Variants in TPCN2 observed in about 807,000 individuals in gnomAD.
TPCN2 encodes two pore segment channel 2.
In TPCN2, 92 loss-of-function variants were observed where a neutral mutation model predicts 111.4. The observed-to-expected ratio is 0.83, with a 90% CI of 0.70 to 0.98. TPCN2 has a LOEUF of 0.98. TPCN2 is among the 50% of genes least tolerant of loss of function. TPCN2 has a pLI of 0.00. For missense variants in TPCN2, 995 were observed against 980.1 expected (o/e 1.02, Z -0.20); for synonymous variants, 405 against 414.5 (o/e 0.98, Z 0.28).
chr11:69,064,531 G>A (rs1019737443), intron 7 of TPCN2, among the ~76,000 whole-genome samples: 3 of 152,172 alleles, frequency 2.0e-5, no homozygotes, highest in Non-Finnish European at 4.4e-5. Context: ...CCAGCAGCTC[G>A]TTGCTGTGTG....
At chr11:69,081,319 C>G (rs1443803985) in intron 17 of TPCN2, 81 bp from the exon 18 acceptor site, 1 of 953,802 alleles carries the variant, frequency 1.0e-6, no homozygotes, top group African/African-American at 1.6e-5. Flanking sequence ...GCGCCTCCGT[C>G]CAGGAACCCG....
chr11:69,065,742 T>C (rs1244208945), intron 7 of TPCN2, among the ~76,000 whole-genome samples: 1 of 152,174 alleles, frequency 6.6e-6, no homozygotes, highest in Non-Finnish European at 1.5e-5. Context: ...CAACCTGGAT[T>C]GATTTCCAAG....
intron 7 of TPCN2, among the ~76,000 whole-genome samples, chr11:69,064,711 G>A (rs1392661019): frequency 6.6e-6 from 1 of 152,220 alleles, no homozygotes; most frequent in Non-Finnish European, 1.5e-5. Flanking sequence ...TGGCCGTGTT[G>A]GGGTTTGGTG....
chr11:69,078,399 G>A (rs7945151), intron 13 of TPCN2, 83 bp from the exon 14 acceptor site: 715,587 of 1,560,078 alleles, frequency 0.46, 171,966 homozygotes, highest in Non-Finnish European at 0.51. Flanking sequence ...TCAAATCCCA[G>A]AATAAGAGGG....
At chr11:69,056,705 T>C (rs1854787526) in intron 4 of TPCN2, among the ~76,000 whole-genome samples, 1 of 151,774 alleles carries the variant, frequency 6.6e-6, no homozygotes, top group Non-Finnish European at 1.5e-5. Flanking sequence ...GCTAATTTTT[T>C]GTATTTTTAG....
Position 69,078,550 on chromosome 11 carries a change from C to CT in TPCN2, c.1302dup (p.Asp435Ter). The stretch of plus-strand genomic sequence containing the variant: ...CCCAGTTCCTCTTCGGCCACTACTA[C>CT]TTTGACTACCTGGGGAACCTCATCG... On this transcript the variant is annotated frameshift_variant, in exon 14 of 25. Transcript: ENST00000294309. LOFTEE classifies it high-confidence loss of function. 3 of 1,614,104 alleles carry CT rather than the reference C, an allele frequency of 1.9e-6. No homozygotes were observed. The highest frequency in any genetic ancestry group is 2.5e-6 in the Non-Finnish European group (3 of 1,180,026).
chr11:69,086,388 A>G (rs1023715508), intron 22 of TPCN2, 135 bp from the exon 23 acceptor site: 32 of 740,830 alleles, frequency 4.3e-5, no homozygotes, highest in Non-Finnish European at 7.2e-5. Context: ...AGATGGAAAT[A>G]GTAACGCGCT....
intron 3 of TPCN2, 111 bp from the exon 4 acceptor site, chr11:69,055,064 A>G (rs1360150024): frequency 1.7e-6 from 2 of 1,191,374 alleles, no homozygotes; most frequent in African/African-American, 3.1e-5. Flanking sequence ...ACGAGTGTCC[A>G]CGCTCAGGCA....
intron 13 of TPCN2, among the ~76,000 whole-genome samples, chr11:69,078,043 G>A (rs1051087520): frequency 1.3e-5 from 2 of 152,276 alleles, no homozygotes; most frequent in Admixed American, 6.5e-5. Flanking sequence ...CAGTGGCAGC[G>A]TCTGCCCGCC....
In TPCN2 at chr11:69,087,991, A is replaced by G. The variant is rs752801171; in HGVS notation, c.*38A>G. 7 of 1,573,112 alleles carry G rather than the reference A, an allele frequency of 4.4e-6. No homozygotes were observed. The Admixed American group carries it at 1.3e-4, about 29-fold the overall frequency. ...CGTCCCAGCAGGGGCGGCAGGAGAG[A>G]GAGGCTGGCCTACACAGGTGCCCGT... is the stretch of plus-strand genomic sequence containing the variant. On this transcript the variant is annotated 3_prime_UTR_variant, in exon 25 of 25. Transcript: ENST00000294309.
intron 19 of TPCN2, among the ~76,000 whole-genome samples, 199 bp from the exon 20 acceptor site, chr11:69,085,011 C>A (rs979834637): frequency 1.3e-5 from 2 of 152,170 alleles, no homozygotes; most frequent in Non-Finnish European, 2.9e-5. Flanking sequence ...GCCTGAGCCC[C>A]ACTGTGTCTG....
At chr11:69,059,285 C>G (rs750007200) in intron 5 of TPCN2, among the ~76,000 whole-genome samples, 6 of 152,158 alleles carry the variant, frequency 3.9e-5, no homozygotes, top group Admixed American at 3.3e-4. Context: ...CCAGCCTGCC[C>G]GCTCACCCTG....
intron 7 of TPCN2, among the ~76,000 whole-genome samples, 191 bp from the exon 8 acceptor site, chr11:69,067,312 G>T (rs1565085995): frequency 6.6e-6 from 1 of 152,254 alleles, no homozygotes; most frequent in Non-Finnish European, 1.5e-5. Context: ...GTCTCCCTGG[G>T]TGCCCACTCT....
intron 13 of TPCN2, among the ~76,000 whole-genome samples, chr11:69,074,076 T>C (rs965148068): frequency 3.3e-5 from 5 of 152,242 alleles, no homozygotes; most frequent in African/African-American, 1.2e-4. Context: ...AGGTTAAAGA[T>C]ACGAATTTCG....
At chr11:69,072,807 C>T (rs1220447573) in intron 12 of TPCN2, 99 bp downstream of exon 12, 1 of 1,540,470 alleles carries the variant, frequency 6.5e-7, no homozygotes, top group Non-Finnish European at 9.0e-7. Flanking sequence ...TTCAGGTCAC[C>T]TGCAGCATTC....
intron 5 of TPCN2, among the ~76,000 whole-genome samples, chr11:69,058,434 G>A (rs1854871607): frequency 1.3e-5 from 2 of 152,132 alleles, no homozygotes; most frequent in Non-Finnish European, 2.9e-5. Context: ...ATAGAGCTGG[G>A]TTCTTGCCCT....
chr11:69,077,558 A>C (rs1855847779), intron 13 of TPCN2, among the ~76,000 whole-genome samples: 1 of 152,262 alleles, frequency 6.6e-6, no homozygotes, highest in African/African-American at 2.4e-5. Flanking sequence ...CTCACTGGAG[A>C]ATAGCCACTC....
chr11:69,055,385 C>G, intron 4 of TPCN2, 33 bp downstream of exon 4: 1 of 1,558,160 alleles, frequency 6.4e-7, no homozygotes, highest in Non-Finnish European at 8.6e-7. Context: ...TACGTGCTGC[C>G]CCGGCCTCCC....
Position 69,078,722 on chromosome 11 carries a change from C to G in TPCN2, c.1351-12C>G, listed in dbSNP as rs1855892301. The G allele has an allele frequency of 2.5e-6, 4 of 1,613,878 alleles. No individual in the cohort carries two copies. The highest frequency in any genetic ancestry group is 3.4e-6 in the Non-Finnish European group (4 of 1,180,030). ...TGGGCCAGCCGGCGAGCCCTCTGTT[C>G]TGGCGTTGCAGGTGTTCCTGGTGCT... On this transcript the variant is annotated splice_polypyrimidine_tract_variant and intron_variant, in intron 14 of 24. Coordinates refer to ENST00000294309, the MANE Select transcript of TPCN2 (RefSeq NM_139075.4).
Sources: allele counts gnomAD v4.1 joint callset (sites outside exome capture counted in the v4.1 genomes callset), GRCh38; gene constraint gnomAD v4.1.1; transcripts MANE v1.5; gene names NCBI Gene and HGNC (gene_info 2026-07-23, HGNC 2026-07-21).